Variants in NRXN2 observed in about 807,000 individuals in gnomAD.
The protein encoded by NRXN2 is neurexin 2, also known as neurexin-2-beta.
NRXN2 carries 29 observed loss-of-function variants against 128.8 expected under a neutral mutation model. The ratio of observed to expected loss-of-function variants is 0.23; its 90% CI spans 0.17 to 0.31. The LOEUF (loss-of-function observed/expected upper bound fraction) is 0.31. Ranked by LOEUF, NRXN2 falls within the 10% of genes least tolerant of loss-of-function variation. The pLI is 1.00. For synonymous variants in NRXN2, 1,098 were observed against 1,075.2 expected, an observed-to-expected ratio of 1.02 and a Z score of -0.41; for missense variants, 1,881 against 2,452.6, an observed-to-expected ratio of 0.77 and a Z score of 4.92.
chr11:64,638,811 C>T (rs1298806754), intron 17 of NRXN2, among the ~76,000 whole-genome samples: 1 of 152,126 alleles, frequency 6.6e-6, no homozygotes, highest in African/African-American at 2.4e-5. Context: ...TGCCATAGGC[C>T]CAGGTTCGGC....
At position 64,607,467 on chromosome 11, in the gene NRXN2, G is replaced by C; in HGVS notation, c.4868C>G (p.Pro1623Arg). The C allele has an allele frequency of 6.2e-7, 1 of 1,608,296 alleles. No individual in the cohort carries two copies. The highest frequency in any genetic ancestry group is 8.5e-7 in the Non-Finnish European group (1 of 1,178,940). ...NPTGPGERGP[P>R]GAVEVIRESS... is the part of the protein sequence containing the mutation. ...CTCCCGGATCACCTCCACTGCGCCC[G>C]GCGGGCCCCGCTCCCCAGGCCCTGT... The change falls in exon 23 of 23, where the codon CCG (proline) becomes CGG (arginine). Residue 1623 changes from proline (P) to arginine (R), a missense_variant. Transcript: ENST00000265459.
intron 22 of NRXN2, 94 bp from the exon 23 acceptor site, chr11:64,608,176 C>T: frequency 1.0e-6 from 1 of 969,130 alleles, no homozygotes; most frequent in South Asian, 1.4e-5. Flanking sequence ...CCTCACACAC[C>T]CAAATCGGTT....
intron 17 of NRXN2, among the ~76,000 whole-genome samples, chr11:64,647,314 G>C (rs1193813850): frequency 6.6e-6 from 1 of 151,780 alleles, no homozygotes; most frequent in Non-Finnish European, 1.5e-5. Flanking sequence ...CAGGACCCCA[G>C]GGAAGATGAT....
At chr11:64,715,788 C>T (rs923694626) in intron 1 of NRXN2, among the ~76,000 whole-genome samples, 55 of 152,212 alleles carry the variant, frequency 3.6e-4, no homozygotes, top group Non-Finnish European at 1.2e-4. Context: ...GCAACCCCCA[C>T]TCCTTACAAA....
At chr11:64,700,384 T>TCA (rs1243052132) in intron 2 of NRXN2, among the ~76,000 whole-genome samples, 1 of 152,224 alleles carries the variant, frequency 6.6e-6, no homozygotes, top group Non-Finnish European at 1.5e-5. Context: ...GCCCCTGCTT[T>TCA]CAACCAGTGC....
chr11:64,713,156 G>A lies in NRXN2; in HGVS notation c.544C>T (p.Leu182=). ...GCGGGGGGCCGCTCGCCCAGCTTCA[G>A]GTTGGCCAAGAGGCCGCGGAAGGGC... ...EPPFRGLLAN[L]KLGERPPALL... Residue 182 remains leucine (L), a synonymous_variant, in exon 2 of 23, where the codon CTG becomes TTG. Transcript: ENST00000265459. 4 of 1,453,904 alleles carry A rather than the reference G, an allele frequency of 2.8e-6. No individual in the cohort carries two copies. Among genetic ancestry groups the A allele is most frequent in the Non-Finnish European group, 3.6e-6 (4 of 1,105,160 alleles). 90.1% of individuals were successfully genotyped at this position (1,453,904 alleles called of 1,614,324 possible).
At chr11:64,642,633 G>A in intron 17 of NRXN2, 2 of 1,604,610 alleles carry the variant, frequency 1.2e-6, no homozygotes, top group Non-Finnish European at 1.7e-6. Context: ...GGGTGGTGCT[G>A]AGGCTGGAGG....
At chr11:64,611,202 G>A (rs1157469198) in intron 22 of NRXN2, among the ~76,000 whole-genome samples, 13 of 152,232 alleles carry the variant, frequency 8.5e-5, no homozygotes, top group Admixed American at 8.5e-4. Context: ...GCCAGGCTAG[G>A]TATCTAGGGA....
intron 9 of NRXN2, among the ~76,000 whole-genome samples, chr11:64,663,890 CA>C (rs1350848067): frequency 6.6e-6 from 1 of 152,176 alleles, no homozygotes; most frequent in Non-Finnish European, 1.5e-5. Context: ...ACACATGCTA[CA>C]ACATGAACGA....
intron 6 of NRXN2, among the ~76,000 whole-genome samples, chr11:64,678,204 C>T (rs2051639970): frequency 1.3e-5 from 2 of 152,088 alleles, no homozygotes; most frequent in South Asian, 4.2e-4. Context: ...TGGCAGATGG[C>T]TCACACATTA....
rs1228313105 is a variant in NRXN2 at position 64,661,441 on chromosome 11, A to G, written c.1799-302T>C. On this transcript the variant is annotated intron_variant, in intron 9 of 22. Coordinates refer to ENST00000265459, the MANE Select transcript of NRXN2 (RefSeq NM_015080.4). ...AGCAAGTCCTCAGAGGATAGGCAGG[A>G]AGTGGGCATGCCGAAATCTTGAGCT... is the stretch of plus-strand genomic sequence containing the variant. 5 of 1,293,838 alleles carry G rather than the reference A, an allele frequency of 3.9e-6. No homozygotes were observed. The East Asian group carries it at 1.3e-4, about 35-fold the overall frequency. The allele number at this position is 1,293,838 out of a possible 1,614,324, so 80.1% of individuals were successfully genotyped here.
intron 2 of NRXN2, among the ~76,000 whole-genome samples, chr11:64,702,971 T>TAAAAAAA (rs557268486): frequency 5.9e-5 from 3 of 51,128 alleles, no homozygotes; most frequent in Non-Finnish European, 1.1e-4. Context: ...CCCAGGTCTC[T>TAAAAAAA]AAAAAAAAAA....
In NRXN2 at chr11:64,622,822, A is replaced by G. The variant is rs776554268; in HGVS notation, c.4104T>C (p.Thr1368=). 1.9e-6 allele frequency: 3 copies of G among 1,612,766 alleles called. No homozygotes were observed. The highest frequency in any genetic ancestry group is 1.7e-6 in the Non-Finnish European group (2 of 1,179,938). ...LADMATTIME[T]TTTMATTTTR... is the part of the protein sequence containing the mutation. The stretch of plus-strand genomic sequence containing the variant: ...TGGTGGTAGTGGCCATGGTGGTGGT[A>G]GTCTCCATGATGGTGGTGGCCATGT... Residue 1368 remains threonine, a synonymous_variant, in exon 21 of 23, where the codon ACT becomes ACC. Coordinates refer to ENST00000265459, the MANE Select transcript of NRXN2 (RefSeq NM_015080.4). The surrounding 1 kb of genome is among the most constrained non-coding windows in gnomAD (Gnocchi z 4.3).
intron 9 of NRXN2, among the ~76,000 whole-genome samples, chr11:64,666,115 G>A (rs897636246): frequency 1.3e-5 from 2 of 151,992 alleles, no homozygotes; most frequent in Admixed American, 6.5e-5. Flanking sequence ...AGCCAAGATC[G>A]TCTCTTTAGT....
chr11:64,686,059 G>C, intron 5 of NRXN2, 112 bp from the exon 6 acceptor site: 1 of 1,184,268 alleles, frequency 8.4e-7, no homozygotes, highest in South Asian at 1.3e-5. Context: ...CAGGAGCCCA[G>C]AGGTCCCAAC....
chr11:64,622,950 C>G lies in NRXN2; in HGVS notation c.3976G>C (p.Glu1326Gln). ...NGLKVLALAA[E>Q]SDPNVRTEGH... The stretch of plus-strand genomic sequence containing the variant: ...TCAGTCCGCACATTGGGGTCGCTCT[C>G]GGCGGCCAGCGCCAGCACCTTGAGC... The change falls in exon 21 of 23, where the codon GAG becomes CAG. Residue 1326 changes from glutamate (E) to glutamine (Q), a missense_variant. Around this residue, in one of 7 missense-constraint regions of NRXN2, gnomAD observed 108 missense variants for 165.2 expected, o/e 0.65. Coordinates refer to ENST00000265459, the MANE Select transcript of NRXN2 (RefSeq NM_015080.4). The surrounding 1 kb of genome is among the most constrained non-coding windows in gnomAD (Gnocchi z 4.3). 1.2e-6 allele frequency: 2 copies of G among 1,613,126 alleles called. No individual in the cohort carries two copies. The highest frequency in any genetic ancestry group is 1.7e-6 in the Non-Finnish European group (2 of 1,179,720).
intron 22 of NRXN2, 55 bp downstream of exon 22, chr11:64,620,239 C>A: frequency 7.1e-7 from 1 of 1,416,480 alleles, no homozygotes; most frequent in Non-Finnish European, 9.7e-7. Context: ...AGTCGCCCCC[C>A]TCCCAGCAGC....
chr11:64,612,913 C>T (rs950795357), intron 22 of NRXN2, among the ~76,000 whole-genome samples: 1 of 152,232 alleles, frequency 6.6e-6, no homozygotes, highest in African/African-American at 2.4e-5. Context: ...AAAAACCATT[C>T]TCTCCTCTCA....
chr11:64,685,146 C>T (rs369590360), intron 6 of NRXN2, among the ~76,000 whole-genome samples: 13 of 152,248 alleles, frequency 8.5e-5, no homozygotes, highest in Admixed American at 3.9e-4. Context: ...ACATCCTGCC[C>T]GCACACATTA....
Sources: gnomAD v4.1 joint callset for allele counts (sites outside exome capture counted in the v4.1 genomes callset) on GRCh38, gnomAD v4.1.1 for gene constraint, gnomAD v4.1.1 regional missense constraint, Gnocchi (gnomAD v3.1) non-coding constraint, MANE v1.5 for transcripts, NCBI Gene and HGNC (gene_info 2026-07-23, HGNC 2026-07-21) for gene names.